PFKFB4: variants seen among roughly 807,000 people sequenced by gnomAD.
The protein encoded by PFKFB4 is 6-phosphofructo-2-kinase/fructose-2,6-biphosphatase 4, also known as 6-phosphofructo-2-kinase/fructose-2,6-bisphosphatase 4.
Under a neutral mutation model 62.8 loss-of-function variants are expected in PFKFB4, and 42 were observed. The ratio of observed to expected loss-of-function variants is 0.67; its 90% CI spans 0.52 to 0.86. PFKFB4 has a LOEUF of 0.86. Among genes scored for constraint, PFKFB4 ranks in the 40% least tolerant of loss-of-function variants. The pLI, the probability that PFKFB4 is intolerant of heterozygous loss-of-function variation, is 0.00. For synonymous variants in PFKFB4, 204 were observed against 240.7 expected (o/e 0.85, Z 1.41); for missense variants, 475 against 627.2 (o/e 0.76, Z 2.59).
intron 9 of PFKFB4, among the ~76,000 whole-genome samples, chr3:48,528,366 C>T (rs1050975922): frequency 2.6e-5 from 4 of 152,098 alleles, no homozygotes; most frequent in Non-Finnish European, 2.9e-5. Flanking sequence ...AATATAAGTC[C>T]GCACAAAAAC....
chr3:48,539,928 C>A (rs1264625135), intron 4 of PFKFB4, among the ~76,000 whole-genome samples, 157 bp from the exon 5 acceptor site: 1 of 152,206 alleles, frequency 6.6e-6, no homozygotes, highest in Non-Finnish European at 1.5e-5. Context: ...CCTGGCCAGT[C>A]TCCTCCAGAC....
At chr3:48,522,448 G>A (rs1247109942) in intron 12 of PFKFB4, among the ~76,000 whole-genome samples, 1 of 152,210 alleles carries the variant, frequency 6.6e-6, no homozygotes, top group Admixed American at 6.5e-5. Context: ...TGGGGGATGA[G>A]GCCATTGTCA....
chr3:48,523,707 C>T lies in PFKFB4; in HGVS notation c.1216G>A (p.Ala406Thr), dbSNP rs1436839914. Residue 406 changes from alanine (A) to threonine (T), a missense_variant, in exon 11 of 14, where the codon GCA becomes ACA. Ala to Thr is a moderately conservative substitution (Grantham distance 58). Coordinates refer to ENST00000232375, the MANE Select transcript of PFKFB4 (RefSeq NM_004567.4). Reference protein sequence around the residue: ...RCLLAYFLDKAAEQLPYLKCP... With the variant: ...RCLLAYFLDKTAEQLPYLKCP... ...CCCGGGGCACAGCCCACACCTGCTGCCTTGTCGAGGAAGTAGGCCAGCAGG... is the reference window on the plus strand; with the variant it reads ...CCCGGGGCACAGCCCACACCTGCTGTCTTGTCGAGGAAGTAGGCCAGCAGG... 3 of 1,614,152 alleles carry T rather than the reference C, an allele frequency of 1.9e-6. No individual in the cohort carries two copies. The South Asian group carries it at 3.3e-5, about 18-fold the overall frequency.
At chr3:48,563,048 G>A, upstream of PFKFB4, 1 of 1,612,160 alleles carries the variant, frequency 6.2e-7, no homozygotes. The surrounding 1 kb of genome is among the most constrained non-coding windows in gnomAD (Gnocchi z 4.5). Flanking sequence ...CTGGAAGGTT[G>A]GGATAGGGGT....
At chr3:48,562,911 T>G, upstream of PFKFB4, 1 of 1,605,080 alleles carries the variant, frequency 6.2e-7, no homozygotes, top group Non-Finnish European at 8.5e-7. This position sits in a 1 kb window ranked among gnomAD's most constrained non-coding sequence, Gnocchi z 4.3. Flanking sequence ...GATAGGACAA[T>G]GCGCGAGCCA....
Position 48,539,733 on chromosome 3 carries a change from C to A in PFKFB4, c.417G>T (p.Ala139=), listed in dbSNP as rs1411805334. ...DATNTTRERR[A]TIFNFGEQNG... is the part of the protein sequence containing the mutation. ...TCTGTTCTCCAAAATTAAAGATGGT[C>A]GCTCTCCGTTCTCGGGTGGTGTTTG... The change falls in exon 5 of 14, where the codon GCG becomes GCT. Residue 139 remains alanine, a synonymous_variant. Coordinates refer to ENST00000232375, the MANE Select transcript of PFKFB4 (RefSeq NM_004567.4). 2.5e-6 allele frequency: 4 copies of A among 1,614,000 alleles called. No individual in the cohort carries two copies. The highest frequency in any genetic ancestry group is 2.7e-5 in the African/African-American group (2 of 74,912).
intron 4 of PFKFB4, among the ~76,000 whole-genome samples, chr3:48,542,142 C>T (rs913737788): frequency 1.3e-5 from 2 of 151,750 alleles, no homozygotes; most frequent in Non-Finnish European, 2.9e-5. Context: ...GTCAGGAGAT[C>T]GAGACCATGG....
Position 48,517,985 on chromosome 3 carries a change from GA to G in PFKFB4, c.*1761del. The G allele has an allele frequency of 6.6e-6, 1 of 152,472 alleles. No homozygotes were observed. The highest frequency in any genetic ancestry group is 1.5e-5 in the Non-Finnish European group (1 of 68,086). The allele number at this position is 152,472 out of a possible 1,614,324, so 9.4% of individuals were successfully genotyped here. A position where few individuals can be genotyped will look rare whatever the true frequency, so the allele number is the denominator to read the frequency against. On this transcript the variant is annotated 3_prime_UTR_variant, in exon 14 of 14. Transcript: ENST00000232375. ...CCTAACTCCCCTCTGTACACAGAGA[GA>G]AAAGGCCTCGGTGGTCTCACCTCAG...
intron 12 of PFKFB4, 71 bp from the exon 13 acceptor site, chr3:48,522,121 T>TAGAAAGGCAGCTGAGATGCAGATG: frequency 7.2e-7 from 1 of 1,383,354 alleles, no homozygotes; most frequent in Non-Finnish European, 1.0e-6. Context: ...TAGAAACTTC[T>TAGAAAGGCAGCTGAGATGCAGATG]CTTGGAGGGG....
At position 48,519,665 on chromosome 3, in the gene PFKFB4, C is replaced by A; in HGVS notation, c.*82G>T. On this transcript the variant is annotated 3_prime_UTR_variant, in exon 14 of 14. Transcript: ENST00000232375. ...AGAATATCCCTGCATGGCATGGTGA[C>A]TATCACACACACTGGAGGGCCTGGA... The A allele has an allele frequency of 9.5e-7, 1 of 1,047,652 alleles. No homozygotes were observed. Among genetic ancestry groups the A allele is most frequent in the Non-Finnish European group, 1.5e-6 (1 of 671,894 alleles). 64.9% of individuals were successfully genotyped at this position (1,047,652 alleles called of 1,614,324 possible). A position where few individuals can be genotyped will look rare whatever the true frequency, so the allele number is the denominator to read the frequency against.
chr3:48,555,774 C>T (rs1008248101), intron 1 of PFKFB4, among the ~76,000 whole-genome samples: 2 of 151,902 alleles, frequency 1.3e-5, no homozygotes, highest in African/African-American at 4.8e-5. Flanking sequence ...GGTGTGGTGG[C>T]GCACCTATAA....
intron 7 of PFKFB4, among the ~76,000 whole-genome samples, chr3:48,537,712 A>G (rs1315481426): frequency 6.6e-6 from 1 of 150,874 alleles, no homozygotes; most frequent in Non-Finnish European, 1.5e-5. Flanking sequence ...TTTTGTAGAG[A>G]CGGGGTTTCA....
chr3:48,562,645 G>A, upstream of PFKFB4: 1 of 792,028 alleles, frequency 1.3e-6, no homozygotes, highest in Non-Finnish European at 1.9e-6. The surrounding 1 kb of genome is among the most constrained non-coding windows in gnomAD (Gnocchi z 4.3). Flanking sequence ...CCATGTGGCA[G>A]TGTCCAGACA....
intron 12 of PFKFB4, among the ~76,000 whole-genome samples, chr3:48,522,660 G>A (rs1221236400): frequency 6.6e-6 from 1 of 152,162 alleles, no homozygotes; most frequent in Non-Finnish European, 1.5e-5. Flanking sequence ...GCCTTGTGGG[G>A]GTTCAGAAAA....
At chr3:48,534,813 ATTT>A (rs371931700) in intron 9 of PFKFB4, among the ~76,000 whole-genome samples, 1 of 146,318 alleles carries the variant, frequency 6.8e-6, no homozygotes, top group Non-Finnish European at 1.5e-5. Context: ...GCAGAAGAGC[ATTT>A]TTTTTTTTTT....
intron 9 of PFKFB4, 93 bp downstream of exon 9, chr3:48,535,419 G>T: frequency 8.7e-7 from 1 of 1,144,854 alleles, no homozygotes; most frequent in Non-Finnish European, 1.3e-6. Flanking sequence ...CCTCTCCTTT[G>T]CCCAAGGGGA....
chr3:48,533,241 T>C (rs1320389388), intron 9 of PFKFB4, among the ~76,000 whole-genome samples: 1 of 152,040 alleles, frequency 6.6e-6, no homozygotes, highest in Non-Finnish European at 1.5e-5. Context: ...GGGTACAGAG[T>C]TTCTGTTTTA....
intron 3 of PFKFB4, among the ~76,000 whole-genome samples, chr3:48,546,810 A>C (rs1391120291): frequency 6.6e-6 from 1 of 152,342 alleles, no homozygotes; most frequent in Non-Finnish European, 1.5e-5. Flanking sequence ...CAGGGTGCCT[A>C]TATGACCAGC....
At chr3:48,550,093 T>C in intron 2 of PFKFB4, 25 bp downstream of exon 2, 1 of 1,546,696 alleles carries the variant, frequency 6.5e-7, no homozygotes, top group Non-Finnish European at 8.9e-7. Context: ...AAAGCTCCCC[T>C]TAGACAGCTG....
Sources: gnomAD v4.1 joint callset for allele counts (sites outside exome capture counted in the v4.1 genomes callset) on GRCh38, gnomAD v4.1.1 for gene constraint, Gnocchi (gnomAD v3.1) non-coding constraint, MANE v1.5 for transcripts, NCBI Gene and HGNC (gene_info 2026-07-23, HGNC 2026-07-21) for gene names.